Variants in GABRA3 observed in about 807,000 individuals in gnomAD.
GABRA3 encodes the protein gamma-aminobutyric acid receptor subunit alpha-3.
A neutral mutation model predicts 30.1 loss-of-function variants in GABRA3; 10 were observed. The observed-to-expected ratio is 0.33, with a 90% CI of 0.20 to 0.56. The LOEUF (loss-of-function observed/expected upper bound fraction) is 0.56, where lower values mean the gene tolerates loss of function less well. GABRA3 is among the 20% of genes least tolerant of loss of function. The pLI, the probability that GABRA3 is intolerant of heterozygous loss-of-function variation, is 0.89. For synonymous variants in GABRA3, 151 were observed against 146.8 expected (o/e 1.03, Z -0.21); for missense variants, 233 against 392.0 (o/e 0.59, Z 3.42).
At chrX:152,322,598 A>G (rs1939982266) in intron 3 of GABRA3, among the ~76,000 whole-genome samples, 1 of 107,666 alleles carries the variant, frequency 9.3e-6, no homozygotes, top group South Asian at 4.2e-4. Flanking sequence ...CAATGGCACG[A>G]TCTCGGCTCA....
intron 9 of GABRA3, among the ~76,000 whole-genome samples, chrX:152,175,021 T>C (rs1056776561): frequency 2.7e-5 from 3 of 111,988 alleles, no homozygotes; most frequent in Non-Finnish European, 3.8e-5. Flanking sequence ...GCTAGCCAGT[T>C]TTCCCAGCAC....
intron 4 of GABRA3, among the ~76,000 whole-genome samples, chrX:152,268,023 G>A (rs2124423741): frequency 9.1e-6 from 1 of 109,453 alleles, no homozygotes; most frequent in African/African-American, 3.3e-5. Context: ...TACTAATTTG[G>A]GGTTTGATTT....
intron 3 of GABRA3, among the ~76,000 whole-genome samples, chrX:152,335,728 T>C (rs1291595459): frequency 9.0e-6 from 1 of 111,555 alleles, no homozygotes. Context: ...CTTCAAAGAT[T>C]CTTTTTTTTC....
At chrX:152,279,266 C>A (rs1157458552) in intron 4 of GABRA3, among the ~76,000 whole-genome samples, 1 of 111,882 alleles carries the variant, frequency 8.9e-6, no homozygotes, top group Admixed American at 9.5e-5. Context: ...AGTCTTTAAT[C>A]CATCTTGAAT....
chrX:152,233,065 C>A (rs1001979483), intron 5 of GABRA3, among the ~76,000 whole-genome samples: 2 of 111,317 alleles, frequency 1.8e-5, no homozygotes, highest in Non-Finnish European at 3.8e-5. Flanking sequence ...TTGCATTTCA[C>A]TGATAACTAG....
At position 152,385,740 on chromosome X, in the gene GABRA3, T is replaced by C. The variant is rs1469037346; in HGVS notation, c.-26-21144A>G. 1.2e-4 allele frequency among the ~76,000 whole-genome samples: 13 copies of C among 111,807 alleles called. No individual in the cohort carries two copies. The Admixed American group carries it at 1.2e-3, about 11-fold the overall frequency. ...TATGGTTTTGGGTCTAACGTTTAAG[T>C]CTTTAATCCATCTTGAATTAATTTT... On this transcript the variant is annotated intron_variant, in intron 1 of 9. Transcript: ENST00000370314.
intron 1 of GABRA3, among the ~76,000 whole-genome samples, chrX:152,387,328 G>T (rs1929351702): frequency 9.0e-6 from 1 of 111,298 alleles, no homozygotes; most frequent in East Asian, 2.8e-4. Context: ...GGAAAATCAT[G>T]ATTCCATTCA....
Position 152,448,126 on chromosome X carries a change from C to G in GABRA3, c.-27+3020G>C, listed in dbSNP as rs956654144. Among the ~76,000 whole-genome samples the G allele has an allele frequency of 3.6e-5, 4 of 112,026 alleles. No individual in the cohort carries two copies. The East Asian group carries it at 1.1e-3, about 31-fold the overall frequency. On this transcript the variant is annotated intron_variant, in intron 1 of 9. Coordinates refer to ENST00000370314, the MANE Select transcript of GABRA3 (RefSeq NM_000808.4). Reference sequence around the variant, plus strand: ...TAGGAAACAAACAAACAAATGACAACAAACATTTTCCTTCACTAGGGGAGT... The same window carrying G: ...TAGGAAACAAACAAACAAATGACAAGAAACATTTTCCTTCACTAGGGGAGT...
Position 152,331,945 on chromosome X carries a change from T to C in GABRA3, c.262+13636A>G, listed in dbSNP as rs758857032. On this transcript the variant is annotated intron_variant, in intron 3 of 9. Coordinates refer to ENST00000370314, the MANE Select transcript of GABRA3 (RefSeq NM_000808.4). ...AATCTACATTTAGTCATTAAAGTTT[T>C]CTCTGAAGAGTTAAGTGCCCCATCA... Among the ~76,000 whole-genome samples, 3 of 112,239 alleles carry C rather than the reference T, an allele frequency of 2.7e-5. No homozygotes were observed. The South Asian group carries it at 1.1e-3, about 42-fold the overall frequency.
intron 8 of GABRA3, among the ~76,000 whole-genome samples, chrX:152,192,337 T>G (rs756333284): frequency 1.5e-4 from 17 of 111,902 alleles, no homozygotes; most frequent in African/African-American, 5.5e-4. Flanking sequence ...TAGGTAGAAC[T>G]GACTGTCCTC....
intron 5 of GABRA3, among the ~76,000 whole-genome samples, chrX:152,231,684 A>G (rs1026102637): frequency 9.0e-6 from 1 of 111,559 alleles, no homozygotes; most frequent in Non-Finnish European, 1.9e-5. Context: ...TCACTAACAA[A>G]GATAAATGAA....
chrX:152,227,303 G>A (rs1451095693), intron 5 of GABRA3, among the ~76,000 whole-genome samples: 7 of 97,240 alleles, frequency 7.2e-5, no homozygotes, highest in African/African-American at 2.3e-4. Flanking sequence ...AACACCGCAT[G>A]TTCTCACTCA....
intron 4 of GABRA3, among the ~76,000 whole-genome samples, chrX:152,277,809 G>T (rs1335944411): frequency 8.9e-6 from 1 of 112,081 alleles, no homozygotes; most frequent in Non-Finnish European, 1.9e-5. Flanking sequence ...ATGACACTTA[G>T]TTCTTGGGGA....
intron 1 of GABRA3, among the ~76,000 whole-genome samples, chrX:152,410,341 G>A (rs1297893746): frequency 4.5e-5 from 5 of 110,823 alleles, no homozygotes; most frequent in Non-Finnish European, 7.6e-5. Flanking sequence ...ATAATTTATC[G>A]TGTATTTTTA....
Position 152,360,516 on chromosome X carries a change from G to GAAGGGGA in GABRA3, c.140+3908_140+3914dup, listed in dbSNP as rs1391174365. On this transcript the variant is annotated intron_variant, in intron 2 of 9. Transcript: ENST00000370314. ...GAACAATGAGATCACATGGACACAG[G>GAAGGGGA]AAGGGGAATATCACACTCTGGGGAC... Among the ~76,000 whole-genome samples, 221 of 78,530 alleles carry GAAGGGGA rather than the reference G, an allele frequency of 2.8e-3. 1 individual carries two copies. Among genetic ancestry groups the GAAGGGGA allele is most frequent in the African/African-American group, 0.01 (213 of 20,857 alleles). 68.2% of individuals were successfully genotyped at this position (78,530 alleles called of 115,157 possible).
At chrX:152,217,497 T>C (rs1418457148) in intron 6 of GABRA3, among the ~76,000 whole-genome samples, 3 of 111,645 alleles carry the variant, frequency 2.7e-5, no homozygotes, top group African/African-American at 9.7e-5. Flanking sequence ...TTCTTTCCCC[T>C]TCTATATTTT....
chrX:152,346,308 C>T (rs759438889), intron 2 of GABRA3, among the ~76,000 whole-genome samples: 1 of 111,202 alleles, frequency 9.0e-6, no homozygotes, highest in Non-Finnish European at 1.9e-5. Flanking sequence ...GAAACTAGAC[C>T]CCTATCTCTT....
rs140559687 is a variant in GABRA3 at position 152,345,900 on chromosome X, G to A, written c.141-198C>T. ...GAGGCAGACAGTGTGGTTAATACTC[G>A]AACTCTTACTCTAGCATTGGTATGA... On this transcript the variant is annotated intron_variant, in intron 2 of 9. Transcript: ENST00000370314. Among the ~76,000 whole-genome samples, 422 of 111,068 alleles carry A rather than the reference G, an allele frequency of 3.8e-3. 1 individual carries two copies. Among genetic ancestry groups the A allele is most frequent in the Middle Eastern group, 0.037 (8 of 214 alleles).
intron 9 of GABRA3, among the ~76,000 whole-genome samples, chrX:152,173,446 T>G (rs1019930703): frequency 9.0e-6 from 1 of 110,816 alleles, no homozygotes; most frequent in Non-Finnish European, 1.9e-5. Flanking sequence ...AGAATATATA[T>G]GTATATATAT....
Sources: gnomAD v4.1 joint callset for allele counts (sites outside exome capture counted in the v4.1 genomes callset) on GRCh38, gnomAD v4.1.1 for gene constraint, MANE v1.5 for transcripts, NCBI Gene and HGNC (gene_info 2026-07-23, HGNC 2026-07-21) for gene names.